The following ANKS6 variants were observed in gnomAD, a reference collection of about 807,000 sequenced individuals.
ANKS6 encodes ankyrin repeat and SAM domain-containing protein 6.
Under a neutral mutation model 77.9 loss-of-function variants are expected in ANKS6, and 47 were observed. The observed-to-expected ratio is 0.60, with a 90% CI of 0.48 to 0.77. ANKS6 has a LOEUF of 0.77. ANKS6 is among the 30% of genes least tolerant of loss of function. The pLI is 0.00. For synonymous variants in ANKS6, 488 were observed against 501.7 expected (o/e 0.97, Z 0.37); for missense variants, 1,150 against 1,159.1 (o/e 0.99, Z 0.11).
chr9:98,760,028 A>C (rs1588358384), intron 11 of ANKS6, among the ~76,000 whole-genome samples: 1 of 152,348 alleles, frequency 6.6e-6, no homozygotes, highest in East Asian at 1.9e-4. Flanking sequence ...TGATGGATAT[A>C]TAATTACCCA....
intron 14 of ANKS6, among the ~76,000 whole-genome samples, chr9:98,741,192 C>T (rs949801944): frequency 1.3e-5 from 2 of 152,148 alleles, no homozygotes; most frequent in African/African-American, 2.4e-5. Flanking sequence ...CACATCTATG[C>T]AAATTTATAT....
At chr9:98,744,445 C>T (rs1363406891) in intron 14 of ANKS6, among the ~76,000 whole-genome samples, 1 of 152,200 alleles carries the variant, frequency 6.6e-6, no homozygotes, top group Non-Finnish European at 1.5e-5. Flanking sequence ...TGCTCCCCTC[C>T]CTAGACTGTG....
At position 98,773,938 on chromosome 9, in the gene ANKS6, T is replaced by C; in HGVS notation, c.1760A>G (p.Lys587Arg). 1 of 1,599,002 alleles carries C rather than the reference T, an allele frequency of 6.3e-7. No individual in the cohort carries two copies. The highest frequency in any genetic ancestry group is 1.7e-5 in the Admixed American group (1 of 58,882). ...TRHNGKADPM[K>R]TALPQRASRG... ...GCTGGCTCTCTGGGGCAGCGCAGTC[T>C]TCATGGGGTCTGCCTTCCCGTTGTG... The change falls in exon 9 of 15, where the codon AAG becomes AGG. Residue 587 changes from lysine to arginine, a missense_variant. Physicochemically the swap from Lys to Arg is conservative, Grantham distance 26. Coordinates refer to ENST00000353234, the MANE Select transcript of ANKS6 (RefSeq NM_173551.5).
At chr9:98,742,776 T>G (rs1012065422) in intron 14 of ANKS6, among the ~76,000 whole-genome samples, 4 of 122,992 alleles carry the variant, frequency 3.3e-5, no homozygotes, top group African/African-American at 1.2e-4. Flanking sequence ...CTAACAGCTG[T>G]CCCTTCTGCT....
intron 13 of ANKS6, among the ~76,000 whole-genome samples, chr9:98,750,340 A>G (rs1321241093): frequency 1.3e-5 from 2 of 152,256 alleles, no homozygotes; most frequent in East Asian, 3.8e-4. Flanking sequence ...TCCACGTTGC[A>G]GCATGTGCCA....
At position 98,784,067 on chromosome 9, in the gene ANKS6, G is replaced by A. The variant is rs199723164; in HGVS notation, c.998C>T (p.Ala333Val). Residue 333 changes from alanine to valine, a missense_variant, in exon 4 of 15, where the codon GCA becomes GTA. Ala to Val is a moderately conservative substitution (Grantham distance 64). Transcript: ENST00000353234. The stretch of plus-strand genomic sequence containing the variant: ...CAGAGCCAGCTGCCCCGTAACAGCT[G>A]CTAGCATCAGTGGCGTCGCCCCGTC... ...NGDGATPLMLAAVTGQLALVQ... is the reference protein window; with the variant it reads ...NGDGATPLMLVAVTGQLALVQ... 19 of 1,610,688 alleles carry A rather than the reference G, an allele frequency of 1.2e-5. No homozygotes were observed. Among genetic ancestry groups the A allele is most frequent in the Non-Finnish European group, 1.5e-5 (18 of 1,178,526 alleles).
At chr9:98,776,092 A>G (rs1375104955) in intron 8 of ANKS6, among the ~76,000 whole-genome samples, 1 of 152,162 alleles carries the variant, frequency 6.6e-6, no homozygotes, top group East Asian at 1.9e-4. Flanking sequence ...TTAACCACTA[A>G]GCTCTCATGT....
chr9:98,732,895 C>T lies in ANKS6; in HGVS notation c.*3624G>A, dbSNP rs116055829. The stretch of plus-strand genomic sequence containing the variant: ...CTGACGATCTAGAACTTACACATTA[C>T]GTGCTGCCTTTGCACATGCCCCAGC... On this transcript the variant is annotated 3_prime_UTR_variant, in exon 15 of 15. Coordinates refer to ENST00000353234, the MANE Select transcript of ANKS6 (RefSeq NM_173551.5). 1.9e-3 allele frequency: 2,083 copies of T among 1,111,254 alleles called. 36 individuals are homozygous for T. In the African/African-American group the frequency reaches 0.03, roughly 16 times the overall value. 68.8% of individuals were successfully genotyped at this position (1,111,254 alleles called of 1,614,324 possible).
Position 98,789,947 on chromosome 9 carries a change from C to G in ANKS6, c.862+157G>C, listed in dbSNP as rs188785358. ...CCAGAACCTGCATGTCACAGGCAAT[C>G]CCCCCGATACTTAAGCACACCACTT... On this transcript the variant is annotated intron_variant, in intron 2 of 14. Transcript: ENST00000353234. 2.7e-4 allele frequency: 305 copies of G among 1,125,536 alleles called. 4 individuals are homozygous for G. The East Asian group carries it at 7.1e-3, about 26-fold the overall frequency. The allele number at this position is 1,125,536 out of a possible 1,614,324, so 69.7% of individuals were successfully genotyped here. A position where few individuals can be genotyped will look rare whatever the true frequency, so the allele number is the denominator to read the frequency against.
rs1420235814 is a variant in ANKS6, at chr9:98,732,655, G to A, written c.*3864C>T. On this transcript the variant is annotated 3_prime_UTR_variant, in exon 15 of 15. Coordinates refer to ENST00000353234, the MANE Select transcript of ANKS6 (RefSeq NM_173551.5). Reference sequence around the variant, plus strand: ...TTTCCCACATCTGCACCGCTCCACAGTGTGAAAAGGGCTTTCTCACTTTCA... The same window carrying A: ...TTTCCCACATCTGCACCGCTCCACAATGTGAAAAGGGCTTTCTCACTTTCA... 1.3e-6 allele frequency: 2 copies of A among 1,523,878 alleles called. No homozygotes were observed. The highest frequency in any genetic ancestry group is 2.8e-5 in the African/African-American group (2 of 72,192). The allele number at this position is 1,523,878 out of a possible 1,614,324, so 94.4% of individuals were successfully genotyped here.
At chr9:98,783,821 A>G in intron 4 of ANKS6, 132 bp downstream of exon 4, 3 of 674,976 alleles carry the variant, frequency 4.4e-6, no homozygotes, top group Non-Finnish European at 6.1e-6. Context: ...TTTTTTTTCC[A>G]TGCCTCAATG....
intron 9 of ANKS6, among the ~76,000 whole-genome samples, chr9:98,771,445 C>T (rs548469475): frequency 2.6e-5 from 4 of 152,180 alleles, no homozygotes; most frequent in Non-Finnish European, 5.9e-5. Flanking sequence ...AGCCTGCTTC[C>T]GTGATGCTGC....
intron 1 of ANKS6, among the ~76,000 whole-genome samples, chr9:98,793,813 G>A (rs1835034211): frequency 6.6e-6 from 1 of 150,820 alleles, no homozygotes; most frequent in Admixed American, 6.6e-5. Context: ...GATTACAGGC[G>A]TGAGCCACCG....
At chr9:98,787,655 G>A (rs920588805) in intron 2 of ANKS6, among the ~76,000 whole-genome samples, 6 of 152,166 alleles carry the variant, frequency 3.9e-5, no homozygotes, top group East Asian at 3.8e-4. Context: ...AGGGCACTGC[G>A]ATGAAAATTT....
intron 2 of ANKS6, among the ~76,000 whole-genome samples, chr9:98,787,523 A>G (rs775673400): frequency 7.9e-5 from 12 of 152,210 alleles, no homozygotes; most frequent in Non-Finnish European, 1.3e-4. Context: ...TGATGTATCC[A>G]AAGTGCCTAG....
chr9:98,780,148 TCCCTAGCC>T, intron 6 of ANKS6, 33 bp downstream of exon 6: 1 of 1,609,342 alleles, frequency 6.2e-7, no homozygotes, highest in Non-Finnish European at 8.5e-7. Flanking sequence ...AGCCCCCATC[TCCCTAGCC>T]CCCAAGCCCC....
In ANKS6 at chr9:98,732,831, T is replaced by C; in HGVS notation, c.*3688A>G. The stretch of plus-strand genomic sequence containing the variant: ...GTTGCTTCTACTCATTTTAAAGGAC[T>C]AAAAACAGAAAAACAGGCACCCAAC... On this transcript the variant is annotated 3_prime_UTR_variant, in exon 15 of 15. Transcript: ENST00000353234. 1 of 1,246,512 alleles carries C rather than the reference T, an allele frequency of 8.0e-7. No homozygotes were observed. Among genetic ancestry groups the C allele is most frequent in the Non-Finnish European group, 1.0e-6 (1 of 991,722 alleles). 77.2% of individuals were successfully genotyped at this position (1,246,512 alleles called of 1,614,324 possible).
Position 98,790,494 on chromosome 9 carries a change from C to G in ANKS6, c.472G>C (p.Gly158Arg), listed in dbSNP as rs1213239717. The change falls in exon 2 of 15, where the codon GGT becomes CGT. Residue 158 changes from glycine (G) to arginine (R), a missense_variant. Gly to Arg is a moderately radical substitution (Grantham distance 125). Transcript: ENST00000353234. ...GCTTCCAGGAGCAGCTTCACCACAC[C>G]CAGGTGGCCGCCCCGAGAAGCCACA... Reference protein sequence around the residue: ...LTVASRGGHLGVVKLLLEAGA... With the variant: ...LTVASRGGHLRVVKLLLEAGA... 1.2e-6 allele frequency: 2 copies of G among 1,613,414 alleles called. No homozygotes were observed. Among genetic ancestry groups the G allele is most frequent in the Non-Finnish European group, 1.7e-6 (2 of 1,179,992 alleles).
chr9:98,734,078 C>T lies in ANKS6; in HGVS notation c.*2441G>A, dbSNP rs953373262. 10 of 985,364 alleles carry T rather than the reference C, an allele frequency of 1.0e-5. No individual in the cohort carries two copies. The highest frequency in any genetic ancestry group is 1.2e-4 in the Admixed American group (2 of 16,268). The allele number at this position is 985,364 out of a possible 1,614,324, so 61.0% of individuals were successfully genotyped here. ...CTACATGTTCCGTGCTGCCTCCACA[C>T]ATGCCCCCGCTGGGGTGCCCTTTCT... On this transcript the variant is annotated 3_prime_UTR_variant, in exon 15 of 15. Coordinates refer to ENST00000353234, the MANE Select transcript of ANKS6 (RefSeq NM_173551.5).
Sources: allele counts gnomAD v4.1 joint callset (sites outside exome capture counted in the v4.1 genomes callset), GRCh38; gene constraint gnomAD v4.1.1; transcripts MANE v1.5; gene names NCBI Gene and HGNC (gene_info 2026-07-23, HGNC 2026-07-21).